SYNE1: variants seen among roughly 807,000 people sequenced by gnomAD.
The protein encoded by SYNE1 is nesprin-1.
Under a neutral mutation model 1,111.0 loss-of-function variants are expected in SYNE1, and 616 were observed. That is an observed-to-expected ratio of 0.55 (90% CI 0.52 to 0.59). The LOEUF (loss-of-function observed/expected upper bound fraction) is 0.59, where lower values mean the gene tolerates loss of function less well. Ranked by LOEUF, SYNE1 falls within the 20% of genes least tolerant of loss-of-function variation. The pLI is 0.00. For synonymous variants in SYNE1, 3,855 were observed against 3,825.8 expected (o/e 1.01, Z -0.28); for missense variants, 10,006 against 10,417.0 (o/e 0.96, Z 1.72).
At chr6:152,460,799 C>CTTT (rs869295894) in intron 21 of SYNE1, among the ~76,000 whole-genome samples, 6 of 67,538 alleles carry the variant, frequency 8.9e-5, no homozygotes, top group Non-Finnish European at 1.3e-4. Context: ...TGTATATAAT[C>CTTT]TTTTTTTTTT....
intron 21 of SYNE1, among the ~76,000 whole-genome samples, chr6:152,461,225 T>C (rs767538788): frequency 2.6e-5 from 4 of 152,156 alleles, no homozygotes; most frequent in African/African-American, 7.2e-5. Flanking sequence ...AGTGGAGATA[T>C]ATCAAACAAA....
chr6:152,336,066 T>A (rs376063781), intron 76 of SYNE1: 2 of 151,996 alleles, frequency 1.3e-5, no homozygotes, highest in East Asian at 3.9e-4. Flanking sequence ...TACTTTAAAT[T>A]AATTACATAT....
chr6:152,237,758 T>A (rs1315554152), intron 108 of SYNE1, among the ~76,000 whole-genome samples: 1 of 152,242 alleles, frequency 6.6e-6, no homozygotes, highest in African/African-American at 2.4e-5. Flanking sequence ...AGTTTATATA[T>A]TCTGTTAAAG....
intron 58 of SYNE1, among the ~76,000 whole-genome samples, chr6:152,375,341 A>C (rs927094521): frequency 2.6e-5 from 4 of 152,238 alleles, no homozygotes; most frequent in African/African-American, 9.6e-5. Flanking sequence ...CATATGAACA[A>C]TACTGTTTCA....
chr6:152,637,147 A>G (rs1357359148), intron 1 of SYNE1, 42 bp downstream of exon 1: 1 of 152,800 alleles, frequency 6.5e-6, no homozygotes, highest in Non-Finnish European at 1.5e-5. Flanking sequence ...GGTGCCTGGA[A>G]GAGCTGGGGG....
intron 3 of SYNE1, among the ~76,000 whole-genome samples, chr6:152,625,315 G>A (rs2099683583): frequency 2.0e-5 from 3 of 152,264 alleles, no homozygotes; most frequent in African/African-American, 7.2e-5. Flanking sequence ...TAGTAAATAT[G>A]CACAGTGACA....
intron 128 of SYNE1, among the ~76,000 whole-genome samples, chr6:152,186,806 GA>G (rs1436378041): frequency 6.6e-6 from 1 of 151,456 alleles, no homozygotes; most frequent in Admixed American, 6.6e-5. Context: ...AAAATATTAA[GA>G]GAGCAGGTAG....
chr6:152,486,107 AT>A (rs1280766629), intron 12 of SYNE1, among the ~76,000 whole-genome samples: 2 of 152,104 alleles, frequency 1.3e-5, no homozygotes, highest in African/African-American at 2.4e-5. Flanking sequence ...AGGCAGGAGA[AT>A]CGCTTGAGCC....
At chr6:152,513,430 C>T (rs1327182733) in intron 6 of SYNE1, among the ~76,000 whole-genome samples, 1 of 152,122 alleles carries the variant, frequency 6.6e-6, no homozygotes, top group African/African-American at 2.4e-5. Context: ...ACTGCAACCT[C>T]CACCTCCCAG....
chr6:152,379,752 C>T (rs151238361), intron 56 of SYNE1, among the ~76,000 whole-genome samples: 87 of 152,246 alleles, frequency 5.7e-4, no homozygotes, highest in African/African-American at 2.0e-3. Flanking sequence ...CAACTGAAAA[C>T]CCATATTTAC....
chr6:152,151,160 T>TG (rs906196545), intron 135 of SYNE1, among the ~76,000 whole-genome samples: 2 of 151,600 alleles, frequency 1.3e-5, no homozygotes, highest in Admixed American at 6.6e-5. Flanking sequence ...AAGTGGAGGT[T>TG]GCAGTGAGCC....
At position 152,356,164 on chromosome 6, in the gene SYNE1, C is replaced by G. The variant is rs146877419; in HGVS notation, c.10609-1188G>C. On this transcript the variant is annotated intron_variant, in intron 66 of 145. Coordinates refer to ENST00000367255, the MANE Select transcript of SYNE1 (RefSeq NM_182961.4). ...TTTGGATCTTGTGGGCCATAGGTCT[C>G]TGTTGCAATGACTTAACTCTGCCAT... 5.3e-3 allele frequency among the ~76,000 whole-genome samples: 812 copies of G among 151,900 alleles called. 2 individuals carry two copies. Among genetic ancestry groups the G allele is most frequent in the Non-Finnish European group, 7.4e-3 (500 of 67,966 alleles).
chr6:152,510,766 G>C (rs960177169), intron 7 of SYNE1, among the ~76,000 whole-genome samples: 4 of 152,166 alleles, frequency 2.6e-5, no homozygotes, highest in African/African-American at 9.7e-5. Flanking sequence ...ATCTTGAGGT[G>C]CTCGCTTTTC....
chr6:152,570,206 C>T (rs2099442766), intron 3 of SYNE1, among the ~76,000 whole-genome samples: 1 of 152,116 alleles, frequency 6.6e-6, no homozygotes, highest in Non-Finnish European at 1.5e-5. Flanking sequence ...CTCCTATGTT[C>T]TTTCTCAGCA....
At chr6:152,492,835 G>GC (rs1389009901) in intron 11 of SYNE1, among the ~76,000 whole-genome samples, 1 of 152,110 alleles carries the variant, frequency 6.6e-6, no homozygotes, top group African/African-American at 2.4e-5. Flanking sequence ...TGTTTACCTT[G>GC]CCCCCATAAC....
chr6:152,246,519 G>A (rs756073140), intron 105 of SYNE1, among the ~76,000 whole-genome samples: 4 of 152,218 alleles, frequency 2.6e-5, no homozygotes, highest in East Asian at 1.9e-4. Context: ...AATTGAGGAC[G>A]TTTCTCAAAA....
intron 41 of SYNE1, 88 bp from the exon 42 acceptor site, chr6:152,413,619 A>G: frequency 7.5e-7 from 1 of 1,336,338 alleles, no homozygotes; most frequent in Admixed American, 1.8e-5. Context: ...GAGTCCATAA[A>G]GCACTCATTT....
At chr6:152,599,419 G>A (rs1207305142) in intron 3 of SYNE1, among the ~76,000 whole-genome samples, 1 of 152,142 alleles carries the variant, frequency 6.6e-6, no homozygotes. Context: ...GTCCTACATT[G>A]GTGACACTAT....
At chr6:152,236,535 C>T (rs1320068809) in intron 109 of SYNE1, among the ~76,000 whole-genome samples, 10 of 151,194 alleles carry the variant, frequency 6.6e-5, no homozygotes, top group Non-Finnish European at 1.3e-4. Flanking sequence ...GGATTTAAAA[C>T]TGTCAAATTA....
Sources: allele counts gnomAD v4.1 joint callset (sites outside exome capture counted in the v4.1 genomes callset), GRCh38; gene constraint gnomAD v4.1.1; transcripts MANE v1.5; gene names NCBI Gene and HGNC (gene_info 2026-07-23, HGNC 2026-07-21).